SPIRE1: variants seen among roughly 807,000 people sequenced by gnomAD.
SPIRE1 encodes the protein protein spire homolog 1.
Under a neutral mutation model 94.1 loss-of-function variants are expected in SPIRE1, and 40 were observed. The ratio of observed to expected loss-of-function variants is 0.43; its 90% CI spans 0.33 to 0.55. The LOEUF (loss-of-function observed/expected upper bound fraction) is 0.55. SPIRE1 is among the 20% of genes least tolerant of loss of function. The pLI is 0.06. For missense variants in SPIRE1, 838 were observed against 975.2 expected, an observed-to-expected ratio of 0.86 and a Z score of 1.87; for synonymous variants, 376 against 371.7, an observed-to-expected ratio of 1.01 and a Z score of -0.13.
chr18:12,648,215 GAATT>G (rs2038278750), intron 1 of SPIRE1, among the ~76,000 whole-genome samples: 1 of 152,156 alleles, frequency 6.6e-6, no homozygotes, highest in African/African-American at 2.4e-5. Context: ...ACGCAGGCTG[GAATT>G]AATGACTCCT....
chr18:12,489,140 A>T (rs956835851), intron 8 of SPIRE1, among the ~76,000 whole-genome samples: 1 of 152,210 alleles, frequency 6.6e-6, no homozygotes, highest in Non-Finnish European at 1.5e-5. Flanking sequence ...ATGAGCCAAG[A>T]TCGCACCACT....
In SPIRE1 at chr18:12,454,385, T is replaced by A. The variant is rs148627675; in HGVS notation, c.1737A>T (p.Gln579His). Residue 579 changes from glutamine (Q) to histidine (H), a missense_variant, in exon 13 of 17, where the codon CAA (glutamine) becomes CAT (histidine). By Grantham distance (24) the Gln-to-His change is conservative. This residue lies in a region of SPIRE1 where 645 missense variants were observed against 804.7 expected (regional missense o/e 0.80). Coordinates refer to ENST00000409402, the MANE Select transcript of SPIRE1 (RefSeq NM_001128626.2). ...VLVKAELEKYQQYKDIYTALK... is the reference protein window; with the variant it reads ...VLVKAELEKYHQYKDIYTALK... ...AGGCGGTGTAGATGTCTTTATACTG[T>A]TGGTATTTTTCCAGCTCTGCCTTCA... The A allele has an allele frequency of 1.2e-4, 194 of 1,612,960 alleles. No homozygotes were observed. Among genetic ancestry groups the A allele is most frequent in the Non-Finnish European group, 1.6e-4 (186 of 1,179,636 alleles).
At chr18:12,483,335 T>A (rs2032912550) in intron 9 of SPIRE1, among the ~76,000 whole-genome samples, 1 of 152,162 alleles carries the variant, frequency 6.6e-6, no homozygotes, top group Non-Finnish European at 1.5e-5. Flanking sequence ...CTTTAATGTA[T>A]CAAATGAGAA....
chr18:12,468,561 T>G (rs1397545124), intron 10 of SPIRE1, among the ~76,000 whole-genome samples: 2 of 152,210 alleles, frequency 1.3e-5, no homozygotes, highest in Non-Finnish European at 1.5e-5. Context: ...ACTCAATGTC[T>G]GATGGTCCTG....
chr18:12,644,529 A>T (rs932202093), intron 1 of SPIRE1, among the ~76,000 whole-genome samples: 1 of 152,216 alleles, frequency 6.6e-6, no homozygotes, highest in Non-Finnish European at 1.5e-5. Flanking sequence ...CAAATTCAAG[A>T]TAATATAAAA....
Position 12,520,934 on chromosome 18 carries a change from G to C in SPIRE1, c.730-8403C>G, listed in dbSNP as rs1272199178. Among the ~76,000 whole-genome samples, 5 of 152,276 alleles carry C rather than the reference G, an allele frequency of 3.3e-5. No homozygotes were observed. The East Asian group carries it at 9.7e-4, about 29-fold the overall frequency. ...TAAGTTGAAGTCATGTCACAAACAG[G>C]TGTCCCAGTGTGAGTTAGTTAACAT... On this transcript the variant is annotated intron_variant, in intron 4 of 16. Coordinates refer to ENST00000409402, the MANE Select transcript of SPIRE1 (RefSeq NM_001128626.2).
intron 2 of SPIRE1, among the ~76,000 whole-genome samples, chr18:12,586,745 T>C (rs1366757729): frequency 6.6e-6 from 1 of 152,226 alleles, no homozygotes; most frequent in Non-Finnish European, 1.5e-5. Flanking sequence ...ATAAGACAGA[T>C]AATCATGTGT....
chr18:12,545,442 G>C (rs1339177798), intron 3 of SPIRE1, among the ~76,000 whole-genome samples: 1 of 152,162 alleles, frequency 6.6e-6, no homozygotes, highest in African/African-American at 2.4e-5. Context: ...CACTGTCACA[G>C]TGCTTCTATA....
intron 2 of SPIRE1, among the ~76,000 whole-genome samples, chr18:12,625,284 A>G (rs906580658): frequency 3.9e-5 from 6 of 152,156 alleles, no homozygotes; most frequent in African/African-American, 1.4e-4. Context: ...TGTTGCGGCC[A>G]TGGGAATTCA....
intron 2 of SPIRE1, among the ~76,000 whole-genome samples, chr18:12,615,271 T>A (rs1466993130): frequency 7.5e-6 from 1 of 132,626 alleles, no homozygotes; most frequent in Non-Finnish European, 1.6e-5. Context: ...GAGGTTGCAG[T>A]GAGCCGAGAT....
chr18:12,571,257 T>C (rs1187552161), intron 2 of SPIRE1, among the ~76,000 whole-genome samples: 1 of 152,062 alleles, frequency 6.6e-6, no homozygotes, highest in Non-Finnish European at 1.5e-5. Flanking sequence ...GTATTTTTAG[T>C]AGAGATGAGG....
In SPIRE1 at chr18:12,535,449, A is replaced by C. The variant is rs995843036; in HGVS notation, c.729+27T>G. On this transcript the variant is annotated intron_variant, in intron 4 of 16. Transcript: ENST00000409402. The stretch of plus-strand genomic sequence containing the variant: ...AAATGCATGCCAATCAAACAATGCC[A>C]ATAAATATCAAAGCAGTAGTACTCA... 8 of 1,589,262 alleles carry C rather than the reference A, an allele frequency of 5.0e-6. No individual in the cohort carries two copies. In the African/African-American group the frequency reaches 6.7e-5, roughly 13 times the overall value.
At chr18:12,600,070 C>G (rs577359996) in intron 2 of SPIRE1, among the ~76,000 whole-genome samples, 1 of 147,088 alleles carries the variant, frequency 6.8e-6, no homozygotes, top group Non-Finnish European at 1.5e-5. Flanking sequence ...ATAGTCTCTA[C>G]GTGCTGAGGG....
chr18:12,618,195 A>C (rs1295892696), intron 2 of SPIRE1, among the ~76,000 whole-genome samples: 2 of 151,734 alleles, frequency 1.3e-5, no homozygotes, highest in Admixed American at 6.6e-5. Context: ...TCCACCTCCC[A>C]GGTTCACGCC....
intron 2 of SPIRE1, among the ~76,000 whole-genome samples, chr18:12,573,293 C>T (rs1427598992): frequency 1.3e-5 from 2 of 151,746 alleles, no homozygotes; most frequent in East Asian, 3.9e-4. Context: ...ACTACTACAC[C>T]CCTCCGAGAG....
At chr18:12,622,589 A>AT (rs1220191631) in intron 2 of SPIRE1, among the ~76,000 whole-genome samples, 1 of 151,282 alleles carries the variant, frequency 6.6e-6, no homozygotes. Flanking sequence ...TGCCCGGCTA[A>AT]TTTTTTGTAT....
At chr18:12,546,444 G>T (rs1165457039) in intron 3 of SPIRE1, among the ~76,000 whole-genome samples, 1 of 152,004 alleles carries the variant, frequency 6.6e-6, no homozygotes, top group Non-Finnish European at 1.5e-5. Flanking sequence ...ACCAGCCTGA[G>T]CAACATAGCA....
intron 2 of SPIRE1, among the ~76,000 whole-genome samples, chr18:12,631,014 G>T (rs2037759361): frequency 6.6e-6 from 1 of 152,126 alleles, no homozygotes; most frequent in East Asian, 1.9e-4. Context: ...CCTTCTTGCT[G>T]ACAAAAAGAG....
At chr18:12,485,165 C>T (rs867784202) in intron 9 of SPIRE1, among the ~76,000 whole-genome samples, 82 of 145,844 alleles carry the variant, frequency 5.6e-4, no homozygotes, top group Non-Finnish European at 1.0e-3. Context: ...TGTTCAGTGG[C>T]GCGATCTCGG....
Sources: gnomAD v4.1 joint callset for allele counts (sites outside exome capture counted in the v4.1 genomes callset) on GRCh38, gnomAD v4.1.1 for gene constraint, gnomAD v4.1.1 regional missense constraint, MANE v1.5 for transcripts, NCBI Gene and HGNC (gene_info 2026-07-23, HGNC 2026-07-21) for gene names.